SHROOM2: variants seen among roughly 807,000 people sequenced by gnomAD.
SHROOM2 encodes shroom family member 2.
In SHROOM2, 33 loss-of-function variants were observed where a neutral mutation model predicts 75.9. The ratio of observed to expected loss-of-function variants is 0.43; its 90% CI spans 0.33 to 0.58. The LOEUF (loss-of-function observed/expected upper bound fraction) is 0.58. Ranked by LOEUF, SHROOM2 falls within the 20% of genes least tolerant of loss-of-function variation. The pLI is 0.04. For synonymous variants in SHROOM2, 655 were observed against 663.6 expected, an observed-to-expected ratio of 0.99 and a Z score of 0.20; for missense variants, 1,434 against 1,461.2, an observed-to-expected ratio of 0.98 and a Z score of 0.30.
intron 5 of SHROOM2, among the ~76,000 whole-genome samples, chrX:9,921,603 C>G (rs1043436362): frequency 1.8e-4 from 20 of 111,905 alleles, no homozygotes; most frequent in African/African-American, 6.2e-4. Context: ...TGCCCTCTCA[C>G]CAATACCTCC....
intron 1 of SHROOM2, among the ~76,000 whole-genome samples, chrX:9,837,706 C>A (rs1404408339): frequency 1.8e-5 from 2 of 112,232 alleles, no homozygotes; most frequent in Non-Finnish European, 3.8e-5. Context: ...TGTGCTTGAT[C>A]TGCTGTACTG....
intron 3 of SHROOM2, among the ~76,000 whole-genome samples, chrX:9,893,276 A>T (rs1193617419): frequency 2.7e-5 from 3 of 111,050 alleles, no homozygotes; most frequent in East Asian, 5.7e-4. Flanking sequence ...CTAATTTTTT[A>T]AAAAGTTTTT....
chrX:9,856,053 A>C (rs1250013477), intron 1 of SHROOM2, among the ~76,000 whole-genome samples: 1 of 105,300 alleles, frequency 9.5e-6, no homozygotes, highest in South Asian at 4.3e-4. Flanking sequence ...TTAAAGCAAA[A>C]CCGAATGAAC....
Position 9,895,315 on chromosome X carries a change from G to T in SHROOM2, c.1407G>T (p.Lys469Asn). 8.5e-7 allele frequency: 1 copy of T among 1,174,241 alleles called. No individual in the cohort carries two copies. The highest frequency in any genetic ancestry group is 1.1e-6 in the Non-Finnish European group (1 of 877,018). The change falls in exon 4 of 10, where the codon AAG (lysine) becomes AAT (asparagine). Residue 469 changes from lysine (K) to asparagine (N), a missense_variant. Lys to Asn is a moderately conservative substitution (Grantham distance 94). Coordinates refer to ENST00000380913, the MANE Select transcript of SHROOM2 (RefSeq NM_001649.4). ...QVRGLSSCDQ[K>N]LGSGWQGPRP... The stretch of plus-strand genomic sequence containing the variant: ...GGGGGCTCAGCAGCTGTGACCAGAA[G>T]CTGGGGAGCGGCTGGCAGGGTCCCC...
intron 1 of SHROOM2, among the ~76,000 whole-genome samples, chrX:9,802,070 G>A (rs1467374457): frequency 1.8e-5 from 2 of 111,200 alleles, no homozygotes; most frequent in Non-Finnish European, 3.8e-5. Context: ...CTCTTAGTCT[G>A]TTGGACAGCT....
At chrX:9,802,133 A>G (rs948634618) in intron 1 of SHROOM2, among the ~76,000 whole-genome samples, 1 of 104,568 alleles carries the variant, frequency 9.6e-6, no homozygotes, top group Non-Finnish European at 2.0e-5. Context: ...GTCTTAAGCT[A>G]TGTTGCCCAG....
chrX:9,858,480 G>A (rs2084084797), intron 1 of SHROOM2, among the ~76,000 whole-genome samples: 1 of 112,541 alleles, frequency 8.9e-6, no homozygotes, highest in African/African-American at 3.2e-5. Flanking sequence ...TTAAGCGGGT[G>A]CTTCAGTGAT....
At chrX:9,788,919 A>T (rs942105400) in intron 1 of SHROOM2, among the ~76,000 whole-genome samples, 4 of 110,894 alleles carry the variant, frequency 3.6e-5, no homozygotes, top group African/African-American at 9.8e-5. Context: ...GGGCAAAATT[A>T]GCCTGGTTTT....
At chrX:9,819,652 C>T (rs2083841865) in intron 1 of SHROOM2, among the ~76,000 whole-genome samples, 1 of 111,723 alleles carries the variant, frequency 9.0e-6, no homozygotes, top group African/African-American at 3.3e-5. Context: ...TTCCCCAATA[C>T]AGGTACTAAT....
chrX:9,924,425 C>T (rs1447814007), intron 5 of SHROOM2, among the ~76,000 whole-genome samples: 4 of 110,041 alleles, frequency 3.6e-5, no homozygotes, highest in African/African-American at 1.3e-4. Context: ...GCATGATCAT[C>T]GCTCACTGCA....
At chrX:9,921,110 G>A (rs764444566) in intron 5 of SHROOM2, among the ~76,000 whole-genome samples, 124 of 111,051 alleles carry the variant, frequency 1.1e-3, no homozygotes, top group Non-Finnish European at 2.0e-3. Flanking sequence ...ATGTCTGTTG[G>A]CAGGAGGCCT....
chrX:9,889,113 A>G (rs1390164553), intron 2 of SHROOM2, among the ~76,000 whole-genome samples: 1 of 111,949 alleles, frequency 8.9e-6, no homozygotes, highest in African/African-American at 3.2e-5. Context: ...GAGAAATTCC[A>G]TGAGGTACAG....
At chrX:9,903,120 A>T (rs189067242) in intron 5 of SHROOM2, among the ~76,000 whole-genome samples, 6 of 112,220 alleles carry the variant, frequency 5.3e-5, no homozygotes, top group African/African-American at 1.6e-4. Context: ...ACAGAGATTC[A>T]TGTGAAGACC....
intron 1 of SHROOM2, among the ~76,000 whole-genome samples, chrX:9,811,728 ACT>A (rs992774351): frequency 4.5e-5 from 5 of 111,032 alleles, no homozygotes; most frequent in African/African-American, 1.3e-4. Context: ...TAGTGGTGCC[ACT>A]CTCTATTTTG....
At chrX:9,928,798 C>G (rs1178967237) in intron 5 of SHROOM2, among the ~76,000 whole-genome samples, 1 of 111,277 alleles carries the variant, frequency 9.0e-6, no homozygotes, top group African/African-American at 3.3e-5. Flanking sequence ...TACATTCAGA[C>G]ACAACCCAGA....
At chrX:9,808,881 T>C (rs780273452) in intron 1 of SHROOM2, among the ~76,000 whole-genome samples, 20 of 110,453 alleles carry the variant, frequency 1.8e-4, no homozygotes, top group Non-Finnish European at 3.0e-4. Context: ...ATAATAAAAA[T>C]AAATGGATGT....
At position 9,944,837 on chromosome X, in the gene SHROOM2, T is replaced by A. The variant is rs1209800061; in HGVS notation, c.4508T>A (p.Leu1503Gln). The A allele has an allele frequency of 8.3e-7, 1 of 1,210,665 alleles. No individual in the cohort carries two copies. The highest frequency in any genetic ancestry group is 1.1e-6 in the Non-Finnish European group (1 of 895,213). ...GDLDKVVNLL[L>Q]SLSGRLARVE... ...CTGGACAAAGTGGTGAACCTCCTGC[T>A]GTCGCTGTCAGGCCGCCTGGCCCGG... The change falls in exon 9 of 10, where the codon CTG becomes CAG. Residue 1503 changes from leucine to glutamine, a missense_variant. Leu to Gln is a moderately radical substitution (Grantham distance 113). Coordinates refer to ENST00000380913, the MANE Select transcript of SHROOM2 (RefSeq NM_001649.4).
At chrX:9,937,975 G>A (rs1054935906) in intron 7 of SHROOM2, among the ~76,000 whole-genome samples, 11 of 111,050 alleles carry the variant, frequency 9.9e-5, no homozygotes, top group Admixed American at 3.8e-4. Context: ...CTCCTTTCTC[G>A]TAAGACAGCT....
intron 5 of SHROOM2, among the ~76,000 whole-genome samples, chrX:9,900,226 C>G (rs755762001): frequency 1.1e-4 from 12 of 110,047 alleles, no homozygotes; most frequent in Non-Finnish European, 1.5e-4. Flanking sequence ...AGTGGTGAGG[C>G]GCGATGAAAT....
Sources: allele counts gnomAD v4.1 joint callset (sites outside exome capture counted in the v4.1 genomes callset), GRCh38; gene constraint gnomAD v4.1.1; transcripts MANE v1.5; gene names NCBI Gene and HGNC (gene_info 2026-07-23, HGNC 2026-07-21).